Variants in MYO1E observed in about 807,000 individuals in gnomAD.
The protein encoded by MYO1E is myosin IE.
MYO1E carries 68 observed loss-of-function variants against 151.1 expected under a neutral mutation model. The observed-to-expected ratio is 0.45, with a 90% CI of 0.37 to 0.55. MYO1E has a LOEUF of 0.55. Among genes scored for constraint, MYO1E ranks in the 20% least tolerant of loss-of-function variants. The pLI, the probability that MYO1E is intolerant of heterozygous loss-of-function variation, is 0.00. For synonymous variants in MYO1E, 601 were observed against 501.7 expected, an observed-to-expected ratio of 1.20 and a Z score of -2.64; for missense variants, 1,363 against 1,389.3, an observed-to-expected ratio of 0.98 and a Z score of 0.30.
intron 8 of MYO1E, among the ~76,000 whole-genome samples, chr15:59,223,891 C>T (rs2079971475): frequency 6.6e-6 from 1 of 152,228 alleles, no homozygotes; most frequent in African/African-American, 2.4e-5. Flanking sequence ...TGCTTTGAGG[C>T]CATGTGACCT....
intron 25 of MYO1E, among the ~76,000 whole-genome samples, chr15:59,155,328 T>G (rs1183970565): frequency 6.6e-6 from 1 of 152,248 alleles, no homozygotes; most frequent in Non-Finnish European, 1.5e-5. Flanking sequence ...ATATTTTATA[T>G]GTTTTGAAAA....
At chr15:59,251,407 G>A (rs193119738) in intron 4 of MYO1E, among the ~76,000 whole-genome samples, 8 of 152,296 alleles carry the variant, frequency 5.3e-5, no homozygotes, top group Admixed American at 2.6e-4. Flanking sequence ...CAGTAATAGG[G>A]CAATTGTGGT....
intron 26 of MYO1E, among the ~76,000 whole-genome samples, chr15:59,140,343 C>G (rs1430624056): frequency 6.6e-6 from 1 of 152,112 alleles, no homozygotes; most frequent in African/African-American, 2.4e-5. Context: ...TACACTTATA[C>G]CTGAAACATT....
At chr15:59,259,067 G>C (rs1354438681) in intron 3 of MYO1E, among the ~76,000 whole-genome samples, 2 of 152,000 alleles carry the variant, frequency 1.3e-5, no homozygotes, top group Non-Finnish European at 2.9e-5. Context: ...AATGTGCTGG[G>C]ATTATAGGCA....
intron 1 of MYO1E, among the ~76,000 whole-genome samples, chr15:59,311,665 C>T (rs756350185): frequency 7.2e-5 from 11 of 152,110 alleles, no homozygotes; most frequent in Non-Finnish European, 1.5e-4. Flanking sequence ...TTATAGGCAA[C>T]GTTATGATTT....
chr15:59,217,954 G>A lies in MYO1E; in HGVS notation c.1044C>T (p.Ala348=). The change falls in exon 10 of 28, where the codon GCC becomes GCT. Residue 348 remains alanine, a synonymous_variant. Coordinates refer to ENST00000288235, the MANE Select transcript of MYO1E (RefSeq NM_004998.4). The stretch of plus-strand genomic sequence containing the variant: ...TGGCGAGCGCATCCCGGGTGTAACA[G>A]GCCTGCTCTACGTTGAGGGTCACGT... ...SIHVTLNVEQ[A]CYTRDALAKA... 6.2e-7 allele frequency: 1 copy of A among 1,614,216 alleles called. No individual in the cohort carries two copies. Among genetic ancestry groups the A allele is most frequent in the East Asian group, 2.2e-5 (1 of 44,888 alleles).
chr15:59,287,810 G>T (rs190629925), intron 1 of MYO1E, among the ~76,000 whole-genome samples: 1 of 152,156 alleles, frequency 6.6e-6, no homozygotes, highest in Non-Finnish European at 1.5e-5. Flanking sequence ...CTCCTGTCCA[G>T]GCCTGGTTCC....
intron 4 of MYO1E, among the ~76,000 whole-genome samples, chr15:59,250,164 TCCTA>T (rs770980213): frequency 5.3e-5 from 8 of 152,162 alleles, no homozygotes; most frequent in Non-Finnish European, 1.0e-4. Flanking sequence ...CCCTGGAATG[TCCTA>T]CCTAAGAGGA....
At chr15:59,188,044 G>A in intron 18 of MYO1E, 74 bp downstream of exon 18, 2 of 1,108,198 alleles carry the variant, frequency 1.8e-6, no homozygotes, top group South Asian at 1.2e-5. Context: ...CGCTTGAAGT[G>A]GGTGAATTGT....
chr15:59,147,596 C>CAAAAAAAAAAAAAAAAAAAAAAA, intron 26 of MYO1E, among the ~76,000 whole-genome samples: 1 of 66,096 alleles, frequency 1.5e-5, no homozygotes, highest in Non-Finnish European at 2.6e-5. Flanking sequence ...GACTCTGTCT[C>CAAAAAAAAAAAAAAAAAAAAAAA]AAAAAAAAAA....
intron 3 of MYO1E, among the ~76,000 whole-genome samples, chr15:59,256,913 C>T (rs2080197072): frequency 6.6e-6 from 1 of 152,112 alleles, no homozygotes; most frequent in East Asian, 1.9e-4. Context: ...TTAAATCTTT[C>T]CATAAGAAGA....
chr15:59,151,131 A>C (rs1341494814), intron 26 of MYO1E, among the ~76,000 whole-genome samples: 1 of 151,912 alleles, frequency 6.6e-6, no homozygotes, highest in Admixed American at 6.6e-5. Context: ...GTGTGATAAA[A>C]CTAAGGTGCT....
In MYO1E at chr15:59,145,258, C is replaced by T. The variant is rs563520596; in HGVS notation, c.3081-6891G>A. Among the ~76,000 whole-genome samples the T allele has an allele frequency of 3.0e-3, 456 of 152,328 alleles. 1 individual carries two copies. The highest frequency in any genetic ancestry group is 4.5e-3 in the Non-Finnish European group (304 of 68,032). ...TAGTCCAGGAGGAAGGGATTACACACCCCCTTACAGGGCACATGAGACCCG... is the reference window on the plus strand; with the variant it reads ...TAGTCCAGGAGGAAGGGATTACACATCCCCTTACAGGGCACATGAGACCCG... On this transcript the variant is annotated intron_variant, in intron 26 of 27. Coordinates refer to ENST00000288235, the MANE Select transcript of MYO1E (RefSeq NM_004998.4).
rs1481385858 is a variant in MYO1E, at chr15:59,208,879, C to T, written c.1363-31G>A. On this transcript the variant is annotated intron_variant, in intron 13 of 27. Coordinates refer to ENST00000288235, the MANE Select transcript of MYO1E (RefSeq NM_004998.4). ...GGGAGCAAGAAGGCAAGGCCCTAGT[C>T]ACTGACCTCTCCAAAACAGACAATG... 4 of 1,613,364 alleles carry T rather than the reference C, an allele frequency of 2.5e-6. No individual in the cohort carries two copies. In the South Asian group the frequency reaches 4.4e-5, roughly 18 times the overall value.
intron 2 of MYO1E, chr15:59,264,906 T>TA (rs1282988742): frequency 1.3e-5 from 2 of 152,198 alleles, no homozygotes; most frequent in African/African-American, 4.8e-5. Context: ...TACGTGCCTG[T>TA]AGTTCCTGCT....
intron 1 of MYO1E, among the ~76,000 whole-genome samples, chr15:59,326,102 A>C (rs940363202): frequency 1.3e-5 from 2 of 152,082 alleles, no homozygotes; most frequent in Non-Finnish European, 2.9e-5. Context: ...TTCCTCTTCC[A>C]TTTGAGTACA....
At chr15:59,262,336 A>C (rs952007720) in intron 2 of MYO1E, among the ~76,000 whole-genome samples, 1 of 152,132 alleles carries the variant, frequency 6.6e-6, no homozygotes, top group African/African-American at 2.4e-5. Flanking sequence ...TTTTCTGGCC[A>C]GGTGCAGTGG....
chr15:59,140,567 C>A (rs2079403053), intron 26 of MYO1E, among the ~76,000 whole-genome samples: 1 of 152,192 alleles, frequency 6.6e-6, no homozygotes, highest in African/African-American at 2.4e-5. Flanking sequence ...ATCATTCACA[C>A]CTACAGGAGC....
chr15:59,319,550 C>CTTTTTTTTTCTTTTTTT (rs2080611671), intron 1 of MYO1E, among the ~76,000 whole-genome samples: 1 of 63,728 alleles, frequency 1.6e-5, no homozygotes, highest in East Asian at 5.0e-4. Context: ...GTCAAACTAC[C>CTTTTTTTTTCTTTTTTT]TTTTTTTTTT....
Sources: allele counts gnomAD v4.1 joint callset (sites outside exome capture counted in the v4.1 genomes callset), GRCh38; gene constraint gnomAD v4.1.1; transcripts MANE v1.5; gene names NCBI Gene and HGNC (gene_info 2026-07-23, HGNC 2026-07-21).